Variants in ACBD6 observed in about 807,000 individuals in gnomAD.
ACBD6 encodes the protein acyl-CoA binding domain containing 6, also known as acyl-CoA-binding domain-containing protein 6.
ACBD6 carries 28 observed loss-of-function variants against 37.2 expected under a neutral mutation model. The ratio of observed to expected loss-of-function variants is 0.75; its 90% confidence interval spans 0.56 to 1.03. ACBD6 has a LOEUF of 1.03. ACBD6 is among the 50% of genes least tolerant of loss of function. ACBD6 has a pLI of 0.00. For missense variants in ACBD6, 340 were observed against 337.4 expected (o/e 1.01, Z -0.06); for synonymous variants, 113 against 126.8 (o/e 0.89, Z 0.73).
chr1:180,299,652 G>A (rs1558239277), intron 7 of ACBD6, among the ~76,000 whole-genome samples: 2 of 151,964 alleles, frequency 1.3e-5, no homozygotes, highest in African/African-American at 4.8e-5. Context: ...GGTGCTTTGC[G>A]TGGAAGACTG....
chr1:180,498,593 C>T (rs1159760753), intron 1 of ACBD6, among the ~76,000 whole-genome samples: 1 of 152,118 alleles, frequency 6.6e-6, no homozygotes, highest in Non-Finnish European at 1.5e-5. Context: ...GTGGCTCATG[C>T]CTGTAATCCC....
intron 4 of ACBD6, among the ~76,000 whole-genome samples, chr1:180,414,575 A>T (rs1454805488): frequency 6.6e-6 from 1 of 152,252 alleles, no homozygotes; most frequent in Non-Finnish European, 1.5e-5. Context: ...GCACTGGACA[A>T]GAATTTGTTG....
intron 3 of ACBD6, among the ~76,000 whole-genome samples, chr1:180,487,949 A>G (rs563316944): frequency 6.6e-6 from 1 of 152,342 alleles, no homozygotes; most frequent in East Asian, 1.9e-4. Context: ...TCAGGTACTC[A>G]CTGGGGGTCT....
intron 4 of ACBD6, among the ~76,000 whole-genome samples, chr1:180,427,373 A>G (rs1004816294): frequency 6.6e-6 from 1 of 152,216 alleles, no homozygotes; most frequent in Non-Finnish European, 1.5e-5. Flanking sequence ...GATGCTTCTA[A>G]AACTCTAAAA....
intron 3 of ACBD6, among the ~76,000 whole-genome samples, chr1:180,450,633 G>A (rs1385420565): frequency 1.3e-5 from 2 of 152,068 alleles, no homozygotes; most frequent in Admixed American, 6.6e-5. Flanking sequence ...GGTGGCAGGC[G>A]CCTGTAGTCC....
chr1:180,334,582 G>T (rs949316118), intron 6 of ACBD6, among the ~76,000 whole-genome samples: 1 of 152,110 alleles, frequency 6.6e-6, no homozygotes, highest in African/African-American at 2.4e-5. Flanking sequence ...AGAAAAACTG[G>T]AAACTCTAAA....
At chr1:180,284,617 G>A (rs962013036), downstream of ACBD6, among the ~76,000 whole-genome samples, 7 of 151,858 alleles carry the variant, frequency 4.6e-5, no homozygotes, top group Non-Finnish European at 1.0e-4. Flanking sequence ...TGATCCGCCC[G>A]CCTCAGCCTC....
At chr1:180,388,288 T>G (rs1032439452) in intron 6 of ACBD6, among the ~76,000 whole-genome samples, 1 of 152,206 alleles carries the variant, frequency 6.6e-6, no homozygotes, top group Non-Finnish European at 1.5e-5. Flanking sequence ...TTAGTCTTCT[T>G]ATGTTTATTT....
intron 3 of ACBD6, among the ~76,000 whole-genome samples, chr1:180,489,339 C>CA (rs201452038): frequency 4.4e-4 from 60 of 137,106 alleles, no homozygotes; most frequent in South Asian, 3.4e-3. Context: ...AAAGTAAAGA[C>CA]AAAAAAAAAA....
intron 11 of ACBD6, chr1:180,273,725 G>T (rs1648832384): frequency 1.0e-5 from 2 of 198,968 alleles, no homozygotes; most frequent in African/African-American, 2.3e-5. Context: ...TCTAAGAGTG[G>T]TCCTCAGCTT....
intron 6 of ACBD6, among the ~76,000 whole-genome samples, chr1:180,374,756 T>C (rs909990392): frequency 6.6e-6 from 1 of 152,084 alleles, no homozygotes; most frequent in African/African-American, 2.4e-5. Context: ...ATATTTGAAA[T>C]ATAGACAATG....
chr1:180,500,172 A>C (rs1475057236), intron 1 of ACBD6, among the ~76,000 whole-genome samples: 1 of 151,728 alleles, frequency 6.6e-6, no homozygotes, highest in Non-Finnish European at 1.5e-5. Flanking sequence ...CCTCTCCCCC[A>C]ACTTATTTTT....
At chr1:180,488,222 G>A (rs372480051) in intron 3 of ACBD6, among the ~76,000 whole-genome samples, 18 of 151,650 alleles carry the variant, frequency 1.2e-4, no homozygotes, top group African/African-American at 2.4e-4. Flanking sequence ...TATATTATTC[G>A]AAACTGTAAA....
rs561828242 is a variant in ACBD6 at position 180,357,408 on chromosome 1, T to C, written c.663+40108A>G. ...TTGAGATATTAATGTCTAATTCCCA[T>C]TTTTAGAGCACAAGCAAAAGTTATT... On this transcript the variant is annotated intron_variant, in intron 6 of 7. Transcript: ENST00000367595. Among the ~76,000 whole-genome samples, 3 of 152,314 alleles carry C rather than the reference T, an allele frequency of 2.0e-5. No individual in the cohort carries two copies. The South Asian group carries it at 6.2e-4, about 32-fold the overall frequency.
At chr1:180,406,084 C>T (rs574597803) in intron 5 of ACBD6, among the ~76,000 whole-genome samples, 26 of 152,026 alleles carry the variant, frequency 1.7e-4, no homozygotes, top group East Asian at 3.8e-4. Flanking sequence ...AGCATAACTA[C>T]GAAACTTTTT....
intron 6 of ACBD6, among the ~76,000 whole-genome samples, chr1:180,318,666 AC>A (rs967767072): frequency 1.2e-4 from 18 of 152,224 alleles, no homozygotes; most frequent in Non-Finnish European, 1.8e-4. Flanking sequence ...ACCCACCTTC[AC>A]CGCCACCCCA....
chr1:180,314,776 G>C (rs1650734331), intron 6 of ACBD6, 54 bp from the exon 7 acceptor site: 2 of 1,333,908 alleles, frequency 1.5e-6, no homozygotes, highest in Non-Finnish European at 2.2e-6. Context: ...GCAAAAGTAT[G>C]AAAGTACATA....
chr1:180,448,187 T>C (rs1381216422), intron 3 of ACBD6, among the ~76,000 whole-genome samples: 1 of 152,210 alleles, frequency 6.6e-6, no homozygotes, highest in African/African-American at 2.4e-5. Context: ...ATTAGTCTTT[T>C]GGAAAGTATA....
chr1:180,380,614 T>TAAA (rs35481382), intron 6 of ACBD6, among the ~76,000 whole-genome samples: 1 of 149,320 alleles, frequency 6.7e-6, no homozygotes, highest in African/African-American at 2.5e-5. Context: ...TTTTAAAAGT[T>TAAA]AAAAAAAAAA....
Sources: allele counts gnomAD v4.1 joint callset (sites outside exome capture counted in the v4.1 genomes callset), GRCh38; gene constraint gnomAD v4.1.1; transcripts MANE v1.5; gene names NCBI Gene and HGNC (gene_info 2026-07-23, HGNC 2026-07-21).